ARHGAP6: variants seen among roughly 807,000 people sequenced by gnomAD.
The protein encoded by ARHGAP6 is Rho GTPase activating protein 6.
A neutral mutation model predicts 55.7 loss-of-function variants in ARHGAP6; 16 were observed. The observed-to-expected ratio is 0.29, with a 90% CI of 0.19 to 0.44. The LOEUF (loss-of-function observed/expected upper bound fraction) is 0.44, where lower values mean the gene tolerates loss of function less well. Among genes scored for constraint, ARHGAP6 ranks in the 20% least tolerant of loss-of-function variants. ARHGAP6 has a pLI of 1.00. For synonymous variants in ARHGAP6, 382 were observed against 360.9 expected (o/e 1.06, Z -0.66); for missense variants, 698 against 808.9 (o/e 0.86, Z 1.66).
At chrX:11,196,856 A>G (rs1287955159) in intron 3 of ARHGAP6, 69 bp downstream of exon 3, 9 of 613,779 alleles carry the variant, frequency 1.5e-5, no homozygotes, top group African/African-American at 2.2e-5. Flanking sequence ...ATGCAATTCA[A>G]TAACCCCACC....
intron 1 of ARHGAP6, among the ~76,000 whole-genome samples, chrX:11,616,832 T>C (rs2052171473): frequency 9.0e-6 from 1 of 111,610 alleles, no homozygotes; most frequent in Non-Finnish European, 1.9e-5. Context: ...AGGCCAGAGA[T>C]ATTGCTAAAC....
intron 1 of ARHGAP6, among the ~76,000 whole-genome samples, chrX:11,467,387 A>G (rs769414212): frequency 3.6e-5 from 4 of 110,772 alleles, no homozygotes; most frequent in East Asian, 2.9e-4. Flanking sequence ...AAACAAAAAA[A>G]AACACTCTGG....
chrX:11,277,657 A>G (rs1205905321), intron 1 of ARHGAP6, among the ~76,000 whole-genome samples: 4 of 109,621 alleles, frequency 3.6e-5, no homozygotes, highest in African/African-American at 1.3e-4. Context: ...TTACAGTCTG[A>G]TGAATATGAG....
At chrX:11,305,081 C>T (rs1239750285) in intron 1 of ARHGAP6, among the ~76,000 whole-genome samples, 1 of 110,997 alleles carries the variant, frequency 9.0e-6, no homozygotes, top group East Asian at 2.8e-4. Context: ...CCACTGCACC[C>T]GGCCTTTACC....
intron 1 of ARHGAP6, among the ~76,000 whole-genome samples, chrX:11,553,898 G>A (rs2051295645): frequency 1.8e-5 from 2 of 111,923 alleles, no homozygotes. Flanking sequence ...ATACCAACAT[G>A]AATTTAACTA....
chrX:11,413,939 AT>A (rs1422969497), intron 1 of ARHGAP6, among the ~76,000 whole-genome samples: 1 of 111,946 alleles, frequency 8.9e-6, no homozygotes, highest in Non-Finnish European at 1.9e-5. Flanking sequence ...TTTTAAAAAA[AT>A]GTTTCCCTTA....
At chrX:11,361,347 C>T (rs1321331390) in intron 1 of ARHGAP6, among the ~76,000 whole-genome samples, 12 of 110,258 alleles carry the variant, frequency 1.1e-4, no homozygotes, top group African/African-American at 4.0e-4. Context: ...AGAAATAACG[C>T]CGCATATCTA....
At chrX:11,295,202 G>T (rs1257175650) in intron 1 of ARHGAP6, among the ~76,000 whole-genome samples, 1 of 111,412 alleles carries the variant, frequency 9.0e-6, no homozygotes, top group Non-Finnish European at 1.9e-5. Flanking sequence ...AACCAGCTTT[G>T]GACAAATATT....
chrX:11,612,426 C>T (rs779173370), intron 1 of ARHGAP6, among the ~76,000 whole-genome samples: 1 of 111,659 alleles, frequency 9.0e-6, no homozygotes, highest in Non-Finnish European at 1.9e-5. Context: ...ATACTATAAA[C>T]GGAATGTTTG....
At chrX:11,359,465 T>A in intron 1 of ARHGAP6, among the ~76,000 whole-genome samples, 1 of 112,493 alleles carries the variant, frequency 8.9e-6, no homozygotes, top group Admixed American at 9.4e-5. Flanking sequence ...CTTGCTCATA[T>A]GTATTATCAA....
intron 1 of ARHGAP6, among the ~76,000 whole-genome samples, chrX:11,398,384 A>AT (rs2049507341): frequency 9.1e-6 from 1 of 110,108 alleles, no homozygotes; most frequent in Non-Finnish European, 1.9e-5. Context: ...TCTCAGTTTG[A>AT]TTTTTCCTTA....
chrX:11,621,372 T>C (rs908887188), intron 1 of ARHGAP6, among the ~76,000 whole-genome samples: 10 of 111,702 alleles, frequency 9.0e-5, no homozygotes, highest in Admixed American at 8.6e-4. Context: ...ATGTTTAAAA[T>C]ACTCAGGAAG....
chrX:11,187,404 G>T (rs1393835440), intron 4 of ARHGAP6, among the ~76,000 whole-genome samples: 2 of 111,284 alleles, frequency 1.8e-5, no homozygotes, highest in Non-Finnish European at 3.8e-5. Flanking sequence ...GAGGGCATTT[G>T]GGAAAACCAT....
intron 1 of ARHGAP6, among the ~76,000 whole-genome samples, chrX:11,286,311 T>C (rs959826966): frequency 8.0e-5 from 9 of 111,815 alleles, no homozygotes; most frequent in African/African-American, 2.9e-4. Flanking sequence ...TCTATCTTTT[T>C]TAGTGACCGA....
intron 1 of ARHGAP6, among the ~76,000 whole-genome samples, chrX:11,643,614 C>T (rs930072484): frequency 9.0e-6 from 1 of 111,498 alleles, no homozygotes; most frequent in African/African-American, 3.3e-5. Context: ...AAATTCCAAA[C>T]CATTTATATA....
intron 1 of ARHGAP6, among the ~76,000 whole-genome samples, chrX:11,516,060 C>A (rs751766056): frequency 8.2e-4 from 92 of 112,267 alleles, no homozygotes; most frequent in Non-Finnish European, 1.2e-3. Context: ...CTACTCCTAA[C>A]CTTGTTTCTG....
At chrX:11,567,898 G>A (rs748390609) in intron 1 of ARHGAP6, among the ~76,000 whole-genome samples, 6 of 110,506 alleles carry the variant, frequency 5.4e-5, no homozygotes, top group Non-Finnish European at 9.5e-5. Context: ...CGCTGGTCTC[G>A]AGCTCCTGGG....
At chrX:11,358,879 T>A (rs1301774938) in intron 1 of ARHGAP6, among the ~76,000 whole-genome samples, 1 of 112,099 alleles carries the variant, frequency 8.9e-6, no homozygotes, top group East Asian at 2.8e-4. Context: ...CTTTTTATAA[T>A]AGAAAAATTG....
chrX:11,575,592 C>T (rs1029634814), intron 1 of ARHGAP6, among the ~76,000 whole-genome samples: 4 of 111,599 alleles, frequency 3.6e-5, no homozygotes, highest in East Asian at 2.8e-4. Flanking sequence ...CCTGGAAGGG[C>T]GACCACATGC....
Sources: allele counts gnomAD v4.1 joint callset (sites outside exome capture counted in the v4.1 genomes callset), GRCh38; gene constraint gnomAD v4.1.1; transcripts MANE v1.5; gene names NCBI Gene and HGNC (gene_info 2026-07-23, HGNC 2026-07-21).